FRMD4A: variants seen among roughly 807,000 people sequenced by gnomAD.
The protein encoded by FRMD4A is FERM domain-containing protein 4A.
A neutral mutation model predicts 129.1 loss-of-function variants in FRMD4A; 29 were observed. That is an observed-to-expected ratio of 0.22 (90% CI 0.17 to 0.31). FRMD4A has a LOEUF of 0.31. Among genes scored for constraint, FRMD4A ranks in the 10% least tolerant of loss-of-function variants. The pLI, the probability that FRMD4A is intolerant of heterozygous loss-of-function variation, is 1.00. For missense variants in FRMD4A, 1,272 were observed against 1,375.8 expected, an observed-to-expected ratio of 0.92 and a Z score of 1.19; for synonymous variants, 634 against 571.6, an observed-to-expected ratio of 1.11 and a Z score of -1.56.
At chr10:13,884,144 T>TCACACACACG (rs773933481) in intron 2 of FRMD4A, among the ~76,000 whole-genome samples, 1 of 105,098 alleles carries the variant, frequency 9.5e-6, no homozygotes, top group Non-Finnish European at 1.9e-5. Context: ...TCACACACAC[T>TCACACACACG]CTCACACACT....
At chr10:14,167,386 G>T (rs1020322713) in intron 2 of FRMD4A, among the ~76,000 whole-genome samples, 4 of 151,686 alleles carry the variant, frequency 2.6e-5, no homozygotes, top group Non-Finnish European at 5.9e-5. Flanking sequence ...GCAAAAATTA[G>T]CCGGGTGTGG....
chr10:13,824,321 C>CAA (rs397721588), intron 3 of FRMD4A, among the ~76,000 whole-genome samples: 3,285 of 98,970 alleles, frequency 0.033, 96 homozygotes, highest in African/African-American at 0.045. Flanking sequence ...ACTAAAAATA[C>CAA]AAAAAAAAAA....
At chr10:14,086,363 A>G (rs551880620) in intron 2 of FRMD4A, among the ~76,000 whole-genome samples, 1 of 152,342 alleles carries the variant, frequency 6.6e-6, no homozygotes, top group South Asian at 2.1e-4. Context: ...GTTGAAATCA[A>G]GTTTGTTGAT....
chr10:13,762,799 G>T, intron 6 of FRMD4A, 119 bp from the exon 7 acceptor site: 1 of 679,510 alleles, frequency 1.5e-6, no homozygotes, highest in Non-Finnish European at 2.6e-6. Flanking sequence ...TTTGAGACCA[G>T]CCTGGGCAAC....
intron 3 of FRMD4A, among the ~76,000 whole-genome samples, chr10:13,849,716 T>C (rs2131005493): frequency 6.7e-6 from 1 of 150,284 alleles, no homozygotes; most frequent in South Asian, 2.1e-4. Context: ...CGACCTCAGG[T>C]GACCCACCCG....
chr10:14,165,431 A>C (rs73597274), intron 2 of FRMD4A, among the ~76,000 whole-genome samples: 5,078 of 152,316 alleles, frequency 0.033, 285 homozygotes, highest in African/African-American at 0.12. Context: ...GTATTAGTTC[A>C]ACCCCTGTTT....
rs1266055327 is a variant in FRMD4A at position 13,646,015 on chromosome 10, AC to A, written c.*1022del. Reference sequence around the variant, plus strand: ...AGCTTTGAGTCTTGGGCTCGGCTGAACCCCCTGCATGGACCGGGGCTAACAG... The same window carrying A: ...AGCTTTGAGTCTTGGGCTCGGCTGAACCCCTGCATGGACCGGGGCTAACAG... On this transcript the variant is annotated 3_prime_UTR_variant, in exon 25 of 25. Coordinates refer to ENST00000357447, the MANE Select transcript of FRMD4A (RefSeq NM_018027.5). The A allele has an allele frequency of 9.2e-5, 14 of 152,384 alleles. No homozygotes were observed. The highest frequency in any genetic ancestry group is 2.6e-4 in the African/African-American group (11 of 41,522). 9.4% of individuals were successfully genotyped at this position (152,384 alleles called of 1,614,324 possible). A position where few individuals can be genotyped will look rare whatever the true frequency, so the allele number is the denominator to read the frequency against.
At chr10:14,323,374 A>G (rs1364665592) in intron 2 of FRMD4A, among the ~76,000 whole-genome samples, 1 of 152,240 alleles carries the variant, frequency 6.6e-6, no homozygotes, top group Admixed American at 6.5e-5. Flanking sequence ...CTTACATGGT[A>G]GCTATTATTA....
intron 15 of FRMD4A, chr10:13,693,305 G>T: frequency 5.6e-6 from 1 of 179,462 alleles, no homozygotes; most frequent in Non-Finnish European, 1.2e-5. Context: ...CCAGGACCTT[G>T]GAACTCCTCT....
chr10:13,980,173 C>T (rs2095555681), intron 2 of FRMD4A, among the ~76,000 whole-genome samples: 1 of 152,042 alleles, frequency 6.6e-6, no homozygotes, highest in South Asian at 2.1e-4. Context: ...ATGCTTTTCT[C>T]AAGGGGAAAA....
At chr10:13,977,633 C>T (rs2095546554) in intron 2 of FRMD4A, among the ~76,000 whole-genome samples, 1 of 152,182 alleles carries the variant, frequency 6.6e-6, no homozygotes, top group South Asian at 2.1e-4. Context: ...AAAAGAAAAC[C>T]ACACCCATTA....
intron 3 of FRMD4A, among the ~76,000 whole-genome samples, chr10:13,824,625 G>A (rs929694562): frequency 6.6e-6 from 1 of 152,024 alleles, no homozygotes; most frequent in Admixed American, 6.5e-5. Flanking sequence ...GGGTACGGTG[G>A]CTCACACCTG....
intron 2 of FRMD4A, among the ~76,000 whole-genome samples, chr10:14,179,559 C>T (rs567030746): frequency 6.6e-6 from 1 of 152,248 alleles, no homozygotes; most frequent in Admixed American, 6.5e-5. Flanking sequence ...GAACCTAGCA[C>T]AGAGAAAATT....
intron 2 of FRMD4A, among the ~76,000 whole-genome samples, chr10:14,268,171 A>G (rs572425064): frequency 2.7e-4 from 41 of 152,332 alleles, no homozygotes; most frequent in African/African-American, 9.9e-4. Flanking sequence ...TTCTTTATCT[A>G]TCATCTGTCT....
intron 2 of FRMD4A, among the ~76,000 whole-genome samples, chr10:14,223,218 T>C (rs939216796): frequency 2.0e-5 from 3 of 152,204 alleles, no homozygotes; most frequent in Non-Finnish European, 2.9e-5. Context: ...GCACAACTGC[T>C]AGGCAAAGTC....
intron 6 of FRMD4A, among the ~76,000 whole-genome samples, chr10:13,778,336 A>T (rs1030962786): frequency 6.6e-6 from 1 of 152,200 alleles, no homozygotes; most frequent in African/African-American, 2.4e-5. Context: ...AGAATCTAAA[A>T]GTACCTGGAA....
At chr10:14,064,500 G>A (rs550220940) in intron 2 of FRMD4A, among the ~76,000 whole-genome samples, 63 of 152,270 alleles carry the variant, frequency 4.1e-4, no homozygotes, top group Admixed American at 7.9e-4. Flanking sequence ...TTCCTTCTGC[G>A]TGAACTTTTC....
chr10:14,002,512 C>T (rs1479002862), intron 2 of FRMD4A, among the ~76,000 whole-genome samples: 2 of 152,072 alleles, frequency 1.3e-5, no homozygotes, highest in East Asian at 1.9e-4. Context: ...ATCCTCTTCT[C>T]GAATTTGCTC....
intron 15 of FRMD4A, chr10:13,693,400 C>T (rs1312688827): frequency 5.8e-6 from 3 of 513,832 alleles, no homozygotes; most frequent in Non-Finnish European, 8.1e-6. Context: ...CTCGCAATTT[C>T]AAAAGGCACT....
Sources: gnomAD v4.1 joint callset for allele counts (sites outside exome capture counted in the v4.1 genomes callset) on GRCh38, gnomAD v4.1.1 for gene constraint, MANE v1.5 for transcripts, NCBI Gene and HGNC (gene_info 2026-07-23, HGNC 2026-07-21) for gene names.